The following CSMD3 variants were observed in gnomAD, a reference collection of about 807,000 sequenced individuals.
CSMD3 encodes CUB and Sushi multiple domains 3.
A neutral mutation model predicts 435.2 loss-of-function variants in CSMD3; 177 were observed. The observed-to-expected ratio is 0.41, with a 90% confidence interval of 0.36 to 0.46. The LOEUF (loss-of-function observed/expected upper bound fraction) is 0.46, where lower values mean the gene tolerates loss of function less well. Among genes scored for constraint, CSMD3 ranks in the 20% least tolerant of loss-of-function variants. The pLI, the probability that CSMD3 is intolerant of heterozygous loss-of-function variation, is 0.34. For missense variants in CSMD3, 4,265 were observed against 4,504.6 expected, an observed-to-expected ratio of 0.95 and a Z score of 1.52; for synonymous variants, 1,656 against 1,520.5, an observed-to-expected ratio of 1.09 and a Z score of -2.07.
At position 112,641,003 on chromosome 8, in the gene CSMD3, AC is replaced by A. The variant is rs375266447; in HGVS notation, c.3311-2093del. On this transcript the variant is annotated intron_variant, in intron 20 of 70. Coordinates refer to ENST00000297405, the MANE Select transcript of CSMD3 (RefSeq NM_198123.2). ...ATTAATTATCGGTGCCAACAAAGCC[AC>A]TGTTAAGTATTATTTACCTTTCTGA... Among the ~76,000 whole-genome samples, 81 of 152,302 alleles carry A rather than the reference AC, an allele frequency of 5.3e-4. 2 individuals are homozygous for A. In the South Asian group the frequency reaches 0.017, roughly 31 times the overall value.
intron 1 of CSMD3, among the ~76,000 whole-genome samples, chr8:113,335,980 T>A (rs1417886647): frequency 2.0e-5 from 3 of 152,062 alleles, no homozygotes; most frequent in South Asian, 4.1e-4. Flanking sequence ...ATTTAGAAAA[T>A]TTTTAGTCAT....
intron 9 of CSMD3, among the ~76,000 whole-genome samples, chr8:112,934,816 C>T (rs886570904): frequency 4.6e-5 from 7 of 152,232 alleles, no homozygotes; most frequent in Non-Finnish European, 4.4e-5. Context: ...GCACGTCACT[C>T]TGTGAATCTA....
rs149076574 is a variant in CSMD3, at chr8:113,374,938, C to T, written c.179-60145G>A. ...CCTTTATCCGTGGCCAAGCACTTATCATTGTAAGTGTTTGTTTTTACAGTT... is the reference window on the plus strand; with the variant it reads ...CCTTTATCCGTGGCCAAGCACTTATTATTGTAAGTGTTTGTTTTTACAGTT... On this transcript the variant is annotated intron_variant, in intron 1 of 70. Transcript: ENST00000297405. Among the ~76,000 whole-genome samples, 130 of 150,322 alleles carry T rather than the reference C, an allele frequency of 8.6e-4. 4 individuals are homozygous for T. The East Asian group carries it at 0.024, about 28-fold the overall frequency.
In CSMD3 at chr8:113,078,938, A is replaced by G. The variant is rs529426848; in HGVS notation, c.917+19818T>C. The stretch of plus-strand genomic sequence containing the variant: ...TGGGAAGGTTAGAGTCCTAGTTAAT[A>G]TGTACCTGATAATTTATGAAACATT... On this transcript the variant is annotated intron_variant, in intron 5 of 70. Coordinates refer to ENST00000297405, the MANE Select transcript of CSMD3 (RefSeq NM_198123.2). Among the ~76,000 whole-genome samples, 4 of 152,274 alleles carry G rather than the reference A, an allele frequency of 2.6e-5. No homozygotes were observed. In the East Asian group the frequency reaches 7.7e-4, roughly 29 times the overall value.
chr8:112,407,228 G>A (rs1263542907), intron 34 of CSMD3, among the ~76,000 whole-genome samples: 3 of 151,812 alleles, frequency 2.0e-5, no homozygotes, highest in Admixed American at 2.0e-4. Flanking sequence ...AAACACATTT[G>A]CTATTGAGAA....
chr8:112,666,560 G>A, intron 16 of CSMD3, 145 bp from the exon 17 acceptor site: 1 of 696,772 alleles, frequency 1.4e-6, no homozygotes, highest in Non-Finnish European at 2.5e-6. Context: ...GGTACATCTA[G>A]TCAATTACTT....
intron 3 of CSMD3, among the ~76,000 whole-genome samples, chr8:113,232,262 C>T (rs540913152): frequency 2.2e-4 from 34 of 151,558 alleles, no homozygotes; most frequent in Admixed American, 7.9e-4. Flanking sequence ...ATAATCACCA[C>T]ATTTTCACAA....
At chr8:113,136,652 TA>T (rs2091425518) in intron 4 of CSMD3, among the ~76,000 whole-genome samples, 1 of 151,494 alleles carries the variant, frequency 6.6e-6, no homozygotes, top group African/African-American at 2.4e-5. Flanking sequence ...TTTAGTAGAT[TA>T]AAGAGGTGAA....
chr8:112,515,733 A>G lies in CSMD3; in HGVS notation c.4756+1301T>C, dbSNP rs1293932826. On this transcript the variant is annotated intron_variant, in intron 28 of 70. Transcript: ENST00000297405. Reference sequence around the variant, plus strand: ...CTTTGTCATTTGTCTTATTTTTTACAGCAGAGATCTAGAACTGTCCGTCTA... The same window carrying G: ...CTTTGTCATTTGTCTTATTTTTTACGGCAGAGATCTAGAACTGTCCGTCTA... Among the ~76,000 whole-genome samples, 4 of 152,204 alleles carry G rather than the reference A, an allele frequency of 2.6e-5. No individual in the cohort carries two copies. In the South Asian group the frequency reaches 6.2e-4, roughly 24 times the overall value.
chr8:112,520,051 T>C (rs1471474097), intron 27 of CSMD3, among the ~76,000 whole-genome samples: 1 of 152,100 alleles, frequency 6.6e-6, no homozygotes, highest in Non-Finnish European at 1.5e-5. Context: ...ACATCTTAAA[T>C]GTATTAATTT....
At chr8:112,340,390 G>T (rs1824979602) in intron 42 of CSMD3, among the ~76,000 whole-genome samples, 1 of 152,110 alleles carries the variant, frequency 6.6e-6, no homozygotes, top group South Asian at 2.1e-4. Flanking sequence ...AATTATTTCA[G>T]ATCCATGTAA....
chr8:113,037,438 T>TA (rs970451554), intron 5 of CSMD3, among the ~76,000 whole-genome samples: 1 of 152,138 alleles, frequency 6.6e-6, no homozygotes, highest in African/African-American at 2.4e-5. Flanking sequence ...GAATGTCTGA[T>TA]AGGAGAGATG....
At chr8:112,625,458 G>A (rs979391074) in intron 22 of CSMD3, among the ~76,000 whole-genome samples, 1 of 152,064 alleles carries the variant, frequency 6.6e-6, no homozygotes, top group Admixed American at 6.6e-5. Flanking sequence ...TGAGATTCAA[G>A]TTTTATATGA....
chr8:112,974,612 A>G (rs2084778720), intron 7 of CSMD3, among the ~76,000 whole-genome samples: 1 of 151,892 alleles, frequency 6.6e-6, no homozygotes, highest in Non-Finnish European at 1.5e-5. Context: ...TTATAATAGG[A>G]AAGTGAATAT....
intron 32 of CSMD3, among the ~76,000 whole-genome samples, chr8:112,411,215 G>A (rs1316548495): frequency 6.8e-6 from 1 of 147,086 alleles, no homozygotes; most frequent in East Asian, 2.0e-4. Context: ...TGAATATGTT[G>A]AGACTATAAC....
intron 10 of CSMD3, among the ~76,000 whole-genome samples, chr8:112,896,140 T>C (rs1311968257): frequency 6.6e-6 from 1 of 151,408 alleles, no homozygotes; most frequent in Non-Finnish European, 1.5e-5. Context: ...CATAAAAGGC[T>C]CCAGAGCTTT....
chr8:112,767,576 T>C (rs1587230536), intron 13 of CSMD3, among the ~76,000 whole-genome samples: 1 of 151,756 alleles, frequency 6.6e-6, no homozygotes, highest in Non-Finnish European at 1.5e-5. Flanking sequence ...AGTAGGATTG[T>C]TTGGAGTTTA....
intron 45 of CSMD3, among the ~76,000 whole-genome samples, chr8:112,332,159 G>T (rs1320151947): frequency 6.6e-6 from 1 of 151,984 alleles, no homozygotes; most frequent in Admixed American, 6.6e-5. Flanking sequence ...CAAGAAATTT[G>T]TATCCTCAAA....
At chr8:112,344,530 T>C (rs1357023632) in intron 41 of CSMD3, among the ~76,000 whole-genome samples, 1 of 152,166 alleles carries the variant, frequency 6.6e-6, no homozygotes. Context: ...GGTAGTGAGA[T>C]ACCCAAGTTC....
Sources: gnomAD v4.1 joint callset for allele counts (sites outside exome capture counted in the v4.1 genomes callset) on GRCh38, gnomAD v4.1.1 for gene constraint, MANE v1.5 for transcripts, NCBI Gene and HGNC (gene_info 2026-07-23, HGNC 2026-07-21) for gene names.